HK2: variants seen among roughly 807,000 people sequenced by gnomAD.
HK2 encodes hexokinase 2, also known as hexokinase-2.
Under a neutral mutation model 92.9 loss-of-function variants are expected in HK2, and 42 were observed. The observed-to-expected ratio is 0.45, with a 90% confidence interval of 0.35 to 0.58. The LOEUF (loss-of-function observed/expected upper bound fraction) is 0.58. Among genes scored for constraint, HK2 ranks in the 20% least tolerant of loss-of-function variants. The probability of loss-of-function intolerance (pLI) is 0.00; values close to 1 mark genes in which losing one functional copy is unlikely to be tolerated. For synonymous variants in HK2, 422 were observed against 468.0 expected, an observed-to-expected ratio of 0.90 and a Z score of 1.27; for missense variants, 978 against 1,245.1, an observed-to-expected ratio of 0.79 and a Z score of 3.23.
rs374650022 is a variant in HK2, at chr2:74,864,913, A to G, written c.227-2723A>G. Among the ~76,000 whole-genome samples, 38 of 152,384 alleles carry G rather than the reference A, an allele frequency of 2.5e-4. 1 individual carries two copies. The East Asian group carries it at 3.9e-3, about 15-fold the overall frequency. On this transcript the variant is annotated intron_variant, in intron 2 of 17. Coordinates refer to ENST00000290573, the MANE Select transcript of HK2 (RefSeq NM_000189.5). ...AATCCTGTTCTACAGGTGAGGTGAC[A>G]TGCTCAGAGAGCCCTGTGATGTGCC...
rs138702671 is a variant in HK2 at position 74,844,302 on chromosome 2, A to G, written c.63+9659A>G. On this transcript the variant is annotated intron_variant, in intron 1 of 17. Coordinates refer to ENST00000290573, the MANE Select transcript of HK2 (RefSeq NM_000189.5). Reference sequence around the variant, plus strand: ...GGAACCCAGTTTCTTGATCCCCATCATGTTTTTTTAAAACACAGTTTGTGC... The same window carrying G: ...GGAACCCAGTTTCTTGATCCCCATCGTGTTTTTTTAAAACACAGTTTGTGC... Among the ~76,000 whole-genome samples the G allele has an allele frequency of 6.2e-4, 94 of 152,314 alleles. 1 individual carries two copies. The highest frequency in any genetic ancestry group is 1.7e-3 in the African/African-American group (69 of 41,574).
At chr2:74,861,526 AAG>A (rs1377335293) in intron 2 of HK2, among the ~76,000 whole-genome samples, 1 of 152,198 alleles carries the variant, frequency 6.6e-6, no homozygotes, top group African/African-American at 2.4e-5. Flanking sequence ...AAAACTTTAC[AAG>A]AGAGTCATTC....
rs866474264 is a variant in HK2, at chr2:74,880,745, C to T, written c.1570+176C>T. On this transcript the variant is annotated intron_variant, in intron 10 of 17. Transcript: ENST00000290573. ...CTCAAACAAGGTGCTCCTCTGCAAA[C>T]AGTAGTAATGGTCAACACTTATTGA... Among the ~76,000 whole-genome samples, 4 of 152,360 alleles carry T rather than the reference C, an allele frequency of 2.6e-5. No homozygotes were observed. In the South Asian group the frequency reaches 6.2e-4, roughly 24 times the overall value.
Position 74,878,845 on chromosome 2 carries a change from A to G in HK2, c.1189A>G (p.Ile397Val). The G allele has an allele frequency of 3.9e-6, 6 of 1,555,116 alleles. No homozygotes were observed. Among genetic ancestry groups the G allele is most frequent in the Admixed American group, 1.9e-5 (1 of 51,470 alleles). The change falls in exon 9 of 18, where the codon ATC becomes GTC. Residue 397 changes from isoleucine (I) to valine (V), a missense_variant. By Grantham distance (29) the Ile-to-Val change is conservative. Coordinates refer to ENST00000290573, the MANE Select transcript of HK2 (RefSeq NM_000189.5). Reference protein sequence around the residue: ...AATLAAVLQRIKENKGEERLR... With the variant: ...AATLAAVLQRVKENKGEERLR... ...CACCCTGGCCGCCGTGCTGCAGCGC[A>G]TCAAGGAGAACAAAGGCGAGGAGCG...
chr2:74,836,863 T>C (rs987830903), intron 1 of HK2, among the ~76,000 whole-genome samples: 3 of 152,168 alleles, frequency 2.0e-5, no homozygotes, highest in Non-Finnish European at 4.4e-5. Flanking sequence ...ACCTTTTGAT[T>C]TGGACCCTTC....
In HK2 at chr2:74,886,342, A is replaced by C. The variant is rs1689536777; in HGVS notation, c.1984A>C (p.Met662Leu). Reference protein sequence around the residue: ...VAVVNDTVGTMMTCGFEDPHC... With the variant: ...VAVVNDTVGTLMTCGFEDPHC... ...TGTGGTGAACGACACAGTCGGAACT[A>C]TGATGACCTGTGGCTTTGAAGACCC... The change falls in exon 14 of 18, where the codon ATG (methionine) becomes CTG (leucine). Residue 662 changes from methionine (M) to leucine (L), a missense_variant. Around this residue, in one of 3 missense-constraint regions of HK2, gnomAD observed 742 missense variants for 922.5 expected, o/e 0.80. Transcript: ENST00000290573. 6.2e-7 allele frequency: 1 copy of C among 1,614,100 alleles called. No homozygotes were observed. The highest frequency in any genetic ancestry group is 1.3e-5 in the African/African-American group (1 of 74,932).
intron 4 of HK2, 116 bp from the exon 5 acceptor site, chr2:74,873,160 C>G (rs989562311): frequency 3.6e-6 from 3 of 822,534 alleles, no homozygotes; most frequent in Non-Finnish European, 6.4e-6. Flanking sequence ...CACACAAATT[C>G]AATCATGACT....
chr2:74,839,411 A>G (rs1688251255), intron 1 of HK2, among the ~76,000 whole-genome samples: 1 of 152,118 alleles, frequency 6.6e-6, no homozygotes, highest in Admixed American at 6.5e-5. Flanking sequence ...GTCTATGTTA[A>G]TTTTGATTGG....
intron 16 of HK2, among the ~76,000 whole-genome samples, chr2:74,888,944 T>G (rs747604596): frequency 1.1e-4 from 16 of 152,224 alleles, no homozygotes; most frequent in Admixed American, 2.6e-4. Flanking sequence ...AACTGACCAC[T>G]GTGATAAACA....
At chr2:74,872,935 A>G (rs1689132014) in intron 4 of HK2, among the ~76,000 whole-genome samples, 1 of 152,254 alleles carries the variant, frequency 6.6e-6, no homozygotes, top group Non-Finnish European at 1.5e-5. Context: ...AAATCTGTAT[A>G]GCATGTTACT....
At chr2:74,863,833 AG>A (rs35137588) in intron 2 of HK2, among the ~76,000 whole-genome samples, 2 of 152,198 alleles carry the variant, frequency 1.3e-5, no homozygotes, top group African/African-American at 4.8e-5. Flanking sequence ...AGGTCCCTTT[AG>A]GGGCATTAAG....
At chr2:74,889,219 C>T (rs751185657) in intron 16 of HK2, 26 bp from the exon 17 acceptor site, 4 of 1,582,978 alleles carry the variant, frequency 2.5e-6, no homozygotes, top group Non-Finnish European at 3.5e-6. Context: ...CATGACTGAA[C>T]ACTTGCTGTC....
chr2:74,834,441 C>T lies in HK2; in HGVS notation c.-140C>T. The T allele has an allele frequency of 1.2e-6, 1 of 831,588 alleles. No homozygotes were observed. The highest frequency in any genetic ancestry group is 2.0e-6 in the Non-Finnish European group (1 of 496,552). The allele number at this position is 831,588 out of a possible 1,614,324, so 51.5% of individuals were successfully genotyped here. A position where few individuals can be genotyped will look rare whatever the true frequency, so the allele number is the denominator to read the frequency against. ...AGCCGGGCGCACCCTCGCCGGTAGC[C>T]TTCTTTGTGCGCCGTCCGGACTCCC... On this transcript the variant is annotated 5_prime_UTR_variant, in exon 1 of 18. Coordinates refer to ENST00000290573, the MANE Select transcript of HK2 (RefSeq NM_000189.5). This position sits in a 1 kb window ranked among gnomAD's most constrained non-coding sequence, Gnocchi z 4.2.
At chr2:74,852,194 T>C (rs547667469) in intron 1 of HK2, among the ~76,000 whole-genome samples, 109 of 152,338 alleles carry the variant, frequency 7.2e-4, no homozygotes, top group Middle Eastern at 3.4e-3. Flanking sequence ...CAGTTGCCCA[T>C]GAGGACATCT....
intron 12 of HK2, 143 bp downstream of exon 12, chr2:74,882,382 A>C: frequency 3.3e-6 from 4 of 1,230,308 alleles, no homozygotes; most frequent in Non-Finnish European, 4.7e-6. Context: ...GGGCTCCTTG[A>C]TGGGAATGAG....
Position 74,886,659 on chromosome 2 carries a change from C to T in HK2, c.2205C>T (p.Asn735=), listed in dbSNP as rs748815632. The T allele has an allele frequency of 1.2e-6, 2 of 1,613,862 alleles. No individual in the cohort carries two copies. The highest frequency in any genetic ancestry group is 1.7e-5 in the Admixed American group (1 of 60,006). ...TGGCTGTGGATGAGCTTTCACTCAA[C>T]CCCGGCAAGCAGAGGTAGGCACCCA... ...FDVAVDELSL[N]PGKQRFEKMI... Residue 735 remains asparagine (N), a synonymous_variant, in exon 15 of 18, where the codon AAC becomes AAT. Coordinates refer to ENST00000290573, the MANE Select transcript of HK2 (RefSeq NM_000189.5).
intron 2 of HK2, among the ~76,000 whole-genome samples, chr2:74,856,134 T>G (rs1490823423): frequency 2.0e-5 from 3 of 151,912 alleles, no homozygotes; most frequent in African/African-American, 7.3e-5. Context: ...TGGTGAGGCA[T>G]CTACAGGGGC....
Position 74,874,417 on chromosome 2 carries a change from T to C in HK2, c.843T>C (p.Ile281=). 1 of 1,610,558 alleles carries C rather than the reference T, an allele frequency of 6.2e-7. No individual in the cohort carries two copies. The highest frequency in any genetic ancestry group is 8.5e-7 in the Non-Finnish European group (1 of 1,177,972). ...NDIRTEFDQE[I]DMGSLNPGKQ... Reference sequence around the variant, plus strand: ...TTCGCACTGAGTTTGACCAGGAGATTGACATGGGCTCACTGAACCCGGGAA... The same window carrying C: ...TTCGCACTGAGTTTGACCAGGAGATCGACATGGGCTCACTGAACCCGGGAA... The change falls in exon 7 of 18, where the codon ATT becomes ATC. Residue 281 remains isoleucine, a synonymous_variant. Coordinates refer to ENST00000290573, the MANE Select transcript of HK2 (RefSeq NM_000189.5).
chr2:74,838,440 C>CAAAGCATGACCTGAGGCT (rs1688222349), intron 1 of HK2, among the ~76,000 whole-genome samples: 1 of 152,184 alleles, frequency 6.6e-6, no homozygotes, highest in African/African-American at 2.4e-5. Context: ...GACCTGAGGC[C>CAAAGCATGACCTGAGGCT]GGTCCTGAGG....
Sources: gnomAD v4.1 joint callset for allele counts (sites outside exome capture counted in the v4.1 genomes callset) on GRCh38, gnomAD v4.1.1 for gene constraint, gnomAD v4.1.1 regional missense constraint, Gnocchi (gnomAD v3.1) non-coding constraint, MANE v1.5 for transcripts, NCBI Gene and HGNC (gene_info 2026-07-23, HGNC 2026-07-21) for gene names.